Variants in SLC39A11 observed in about 807,000 individuals in gnomAD.
The protein encoded by SLC39A11 is solute carrier family 39 member 11.
A neutral mutation model predicts 36.1 loss-of-function variants in SLC39A11; 33 were observed. The observed-to-expected ratio is 0.91, with a 90% CI of 0.69 to 1.22. The LOEUF is 1.22. SLC39A11 is among the 50% of genes most tolerant of loss of function. The pLI is 0.00. For synonymous variants in SLC39A11, 166 were observed against 170.3 expected (o/e 0.97, Z 0.20); for missense variants, 432 against 430.3 (o/e 1.00, Z -0.03).
At chr17:72,908,724 A>G (rs150834155) in intron 5 of SLC39A11, among the ~76,000 whole-genome samples, 1 of 152,346 alleles carries the variant, frequency 6.6e-6, no homozygotes, top group Non-Finnish European at 1.5e-5. Flanking sequence ...AAAGGACCCC[A>G]GCATGGTGTC....
At chr17:72,794,939 G>T (rs1249536451) in intron 6 of SLC39A11, among the ~76,000 whole-genome samples, 3 of 152,086 alleles carry the variant, frequency 2.0e-5, no homozygotes, top group Admixed American at 2.0e-4. Flanking sequence ...ATCCACACTG[G>T]ATATGAGGGA....
At chr17:72,769,093 G>T (rs897109205) in intron 6 of SLC39A11, among the ~76,000 whole-genome samples, 1 of 152,068 alleles carries the variant, frequency 6.6e-6, no homozygotes, top group Admixed American at 6.5e-5. Flanking sequence ...TTTAACAAAC[G>T]ACTTCCCCCA....
intron 5 of SLC39A11, among the ~76,000 whole-genome samples, chr17:72,923,590 A>G (rs1204108851): frequency 1.3e-5 from 2 of 152,196 alleles, no homozygotes; most frequent in Non-Finnish European, 2.9e-5. Context: ...ACATTTAGTA[A>G]AACTGCCCCT....
intron 7 of SLC39A11, among the ~76,000 whole-genome samples, chr17:72,684,431 G>C (rs543887011): frequency 6.6e-6 from 1 of 152,162 alleles, no homozygotes; most frequent in East Asian, 1.9e-4. Context: ...CTTTCTCTCC[G>C]ACCAGGGAAA....
At chr17:72,883,656 G>A (rs890451845) in intron 5 of SLC39A11, among the ~76,000 whole-genome samples, 1 of 152,146 alleles carries the variant, frequency 6.6e-6, no homozygotes, top group Non-Finnish European at 1.5e-5. Flanking sequence ...CCATTCATTT[G>A]TAAGGGAGAA....
intron 3 of SLC39A11, among the ~76,000 whole-genome samples, chr17:73,062,243 T>C (rs1441117163): frequency 1.1e-4 from 17 of 151,442 alleles, no homozygotes; most frequent in Non-Finnish European, 2.9e-5. Flanking sequence ...GCAGATCACA[T>C]GAGCTCACAA....
chr17:73,044,231 A>C (rs1469032208), intron 3 of SLC39A11, among the ~76,000 whole-genome samples: 1 of 152,190 alleles, frequency 6.6e-6, no homozygotes, highest in Non-Finnish European at 1.5e-5. Context: ...CGTCCACACA[A>C]AGACTTGCAC....
intron 6 of SLC39A11, among the ~76,000 whole-genome samples, chr17:72,752,147 C>A (rs1749610368): frequency 6.6e-6 from 1 of 152,170 alleles, no homozygotes; most frequent in Non-Finnish European, 1.5e-5. Flanking sequence ...AACTTCTGAA[C>A]CCTGACATAG....
At chr17:72,653,565 C>A (rs1216764491) in intron 7 of SLC39A11, among the ~76,000 whole-genome samples, 1 of 151,752 alleles carries the variant, frequency 6.6e-6, no homozygotes, top group East Asian at 1.9e-4. Context: ...TCAGCCTCCC[C>A]AGTAGCTGGG....
At position 73,027,320 on chromosome 17, in the gene SLC39A11, G is replaced by A. The variant is rs541614369; in HGVS notation, c.306+4236C>T. 8.9e-4 allele frequency among the ~76,000 whole-genome samples: 135 copies of A among 152,190 alleles called. 1 individual carries two copies. Among genetic ancestry groups the A allele is most frequent in the African/African-American group, 2.9e-3 (120 of 41,500 alleles). On this transcript the variant is annotated intron_variant, in intron 4 of 9. Coordinates refer to ENST00000255559, the MANE Select transcript of SLC39A11 (RefSeq NM_139177.4). The stretch of plus-strand genomic sequence containing the variant: ...GCCTCGAAAGCATTTCCCATCATCC[G>A]ACCCCTCACCAGCCTCCTCCCAGGC...
chr17:72,767,124 G>A (rs746982166), intron 6 of SLC39A11, among the ~76,000 whole-genome samples: 1 of 152,190 alleles, frequency 6.6e-6, no homozygotes, highest in Non-Finnish European at 1.5e-5. Context: ...CCCCTCTCAG[G>A]TTTATTCTCC....
At chr17:72,806,414 T>C (rs151180527) in intron 6 of SLC39A11, among the ~76,000 whole-genome samples, 20 of 152,314 alleles carry the variant, frequency 1.3e-4, no homozygotes, top group Middle Eastern at 3.4e-3. Context: ...TTGAAGCACT[T>C]CTGCCAAACT....
chr17:72,799,605 G>A (rs865877871), intron 6 of SLC39A11, among the ~76,000 whole-genome samples: 6 of 152,120 alleles, frequency 3.9e-5, no homozygotes, highest in African/African-American at 1.4e-4. Context: ...CTCTGGGAGT[G>A]TCTGTCTTAT....
intron 6 of SLC39A11, among the ~76,000 whole-genome samples, chr17:72,775,328 T>C (rs185765823): frequency 1.3e-5 from 2 of 152,294 alleles, no homozygotes; most frequent in East Asian, 3.9e-4. Context: ...GCATCATCTG[T>C]GACCCTCCTC....
intron 5 of SLC39A11, among the ~76,000 whole-genome samples, chr17:72,895,646 G>A (rs948586157): frequency 1.3e-5 from 2 of 151,300 alleles, no homozygotes; most frequent in Admixed American, 6.6e-5. Context: ...ATATCAAGAA[G>A]AGCCTCTGCC....
At chr17:72,749,593 A>T (rs2144288336) in intron 6 of SLC39A11, among the ~76,000 whole-genome samples, 1 of 152,296 alleles carries the variant, frequency 6.6e-6, no homozygotes, top group East Asian at 1.9e-4. Flanking sequence ...AGACAAGCCT[A>T]TTTTGTGATA....
Position 72,940,028 on chromosome 17 carries a change from G to C in SLC39A11, c.430+7724C>G, listed in dbSNP as rs371824867. Among the ~76,000 whole-genome samples, 8 of 152,252 alleles carry C rather than the reference G, an allele frequency of 5.3e-5. No homozygotes were observed. The East Asian group carries it at 1.4e-3, about 26-fold the overall frequency. On this transcript the variant is annotated intron_variant, in intron 5 of 9. Coordinates refer to ENST00000255559, the MANE Select transcript of SLC39A11 (RefSeq NM_139177.4). Reference sequence around the variant, plus strand: ...TGGATTTGGGAGCATTTCAGATCTTGGATTTTCAGATTTGAGATGCTCAAT... The same window carrying C: ...TGGATTTGGGAGCATTTCAGATCTTCGATTTTCAGATTTGAGATGCTCAAT...
chr17:72,891,990 A>T (rs1013563868), intron 5 of SLC39A11, among the ~76,000 whole-genome samples: 3 of 152,134 alleles, frequency 2.0e-5, no homozygotes, highest in Non-Finnish European at 2.9e-5. Context: ...CTCAATAAAG[A>T]TGTGCTGAAT....
chr17:72,715,351 T>G (rs192652015), intron 7 of SLC39A11, among the ~76,000 whole-genome samples: 1 of 152,238 alleles, frequency 6.6e-6, no homozygotes. Flanking sequence ...CTTACATTCA[T>G]GTTCACAAGC....
Sources: gnomAD v4.1 joint callset for allele counts (sites outside exome capture counted in the v4.1 genomes callset) on GRCh38, gnomAD v4.1.1 for gene constraint, MANE v1.5 for transcripts, NCBI Gene and HGNC (gene_info 2026-07-23, HGNC 2026-07-21) for gene names.